CACNA1A: variants seen among roughly 807,000 people sequenced by gnomAD.
CACNA1A encodes voltage-dependent P/Q-type calcium channel subunit alpha-1A.
Under a neutral mutation model 262.4 loss-of-function variants are expected in CACNA1A, and 57 were observed. The observed-to-expected ratio is 0.22, with a 90% CI of 0.18 to 0.27. The LOEUF (loss-of-function observed/expected upper bound fraction) is 0.27, where lower values mean the gene tolerates loss of function less well. CACNA1A is among the 10% of genes least tolerant of loss of function. The pLI is 1.00. For missense variants in CACNA1A, 2,526 were observed against 3,562.8 expected, an observed-to-expected ratio of 0.71 and a Z score of 7.41; for synonymous variants, 1,431 against 1,419.3, an observed-to-expected ratio of 1.01 and a Z score of -0.18.
Position 13,258,794 on chromosome 19 carries a change from G to A in CACNA1A, c.4388+770C>T, listed in dbSNP as rs187273609. ...AGAGAAAGACCATTACTTGGACGAGGTGAGGGAGGGAGGCATTTGTTTTGG... is the reference window on the plus strand; with the variant it reads ...AGAGAAAGACCATTACTTGGACGAGATGAGGGAGGGAGGCATTTGTTTTGG... On this transcript the variant is annotated intron_variant, in intron 27 of 46. Transcript: ENST00000360228. The A allele has an allele frequency of 1.6e-3, 248 of 152,244 alleles. 1 individual carries two copies. The highest frequency in any genetic ancestry group is 2.9e-4 in the Non-Finnish European group (20 of 68,018). The allele number at this position is 152,244 out of a possible 1,614,324, so 9.4% of individuals were successfully genotyped here. A position where few individuals can be genotyped will look rare whatever the true frequency, so the allele number is the denominator to read the frequency against.
chr19:13,437,229 C>G (rs1242856152), intron 3 of CACNA1A, among the ~76,000 whole-genome samples: 1 of 152,198 alleles, frequency 6.6e-6, no homozygotes, highest in African/African-American at 2.4e-5. Context: ...GTGTCCAAAT[C>G]CTGGCTCTAG....
intron 3 of CACNA1A, among the ~76,000 whole-genome samples, chr19:13,401,475 G>T (rs972163197): frequency 6.6e-6 from 1 of 152,156 alleles, no homozygotes; most frequent in Non-Finnish European, 1.5e-5. Context: ...TGAATCCCTG[G>T]TGCAAACATG....
Position 13,299,241 on chromosome 19 carries a change from C to A in CACNA1A, c.2392G>T (p.Asp798Tyr). The A allele has an allele frequency of 6.2e-7, 1 of 1,609,398 alleles. No homozygotes were observed. The highest frequency in any genetic ancestry group is 8.5e-7 in the Non-Finnish European group (1 of 1,179,846). ...GCAGCCTTCCAGCGCTCGTCCGGGT[C>A]CATTTCGTTATACAGGGCCTCCCGG... ...ASREALYNEM[D>Y]PDERWKAAYT... is the part of the protein sequence containing the mutation. The change falls in exon 19 of 47, where the codon GAC becomes TAC. Residue 798 changes from aspartate to tyrosine, a missense_variant. By Grantham distance (160) the Asp-to-Tyr change is radical (BLOSUM62 -3). Around this residue, in one of 17 missense-constraint regions of CACNA1A, gnomAD observed 765 missense variants for 748.6 expected, o/e 1.02. Transcript: ENST00000360228.
At position 13,212,309 on chromosome 19, in the gene CACNA1A, GT is replaced by G. The variant is rs544191737; in HGVS notation, c.6189+74del. 547 of 1,568,910 alleles carry G rather than the reference GT, an allele frequency of 3.5e-4. No individual in the cohort carries two copies. Among genetic ancestry groups the G allele is most frequent in the Admixed American group, 8.9e-4 (52 of 58,478 alleles). On this transcript the variant is annotated intron_variant, in intron 42 of 46. Coordinates refer to ENST00000360228, the MANE Select transcript of CACNA1A (RefSeq NM_001127222.2). This position sits in a 1 kb window ranked among gnomAD's most constrained non-coding sequence, Gnocchi z 5.6. ...GGGAGGGAGCTGCAGGTGTGTGTGTGTGGGGGGCCCAGATCCCTTCCACCTG... is the reference window on the plus strand; with the variant it reads ...GGGAGGGAGCTGCAGGTGTGTGTGTGGGGGGGCCCAGATCCCTTCCACCTG...
At position 13,308,507 on chromosome 19, in the gene CACNA1A, C is replaced by T. The variant is rs1057519099; in HGVS notation, c.1690G>A (p.Glu564Lys). ...DCGVIIGSIFEVIWAVIKPGT... is the reference protein window; with the variant it reads ...DCGVIIGSIFKVIWAVIKPGT... Reference sequence around the variant, plus strand: ...GGTTTTATGACAGCCCAGATGACCTCGAAGATGCTCCCAATGATAACCTAG... The same window carrying T: ...GGTTTTATGACAGCCCAGATGACCTTGAAGATGCTCCCAATGATAACCTAG... Residue 564 changes from glutamate to lysine, a missense_variant, in exon 13 of 47, where the codon GAG becomes AAG. By Grantham distance (56) the Glu-to-Lys change is moderately conservative. This residue lies in a region of CACNA1A where 102 missense variants were observed against 278.9 expected (regional missense o/e 0.37). Coordinates refer to ENST00000360228, the MANE Select transcript of CACNA1A (RefSeq NM_001127222.2). This position sits in a 1 kb window ranked among gnomAD's most constrained non-coding sequence, Gnocchi z 4.2. 1 of 1,611,960 alleles carries T rather than the reference C, an allele frequency of 6.2e-7. No homozygotes were observed. Among genetic ancestry groups the T allele is most frequent in the Non-Finnish European group, 8.5e-7 (1 of 1,178,594 alleles).
intron 3 of CACNA1A, among the ~76,000 whole-genome samples, chr19:13,379,049 C>T (rs10401949): frequency 0.52 from 78,545 of 150,072 alleles, 20,848 homozygotes; most frequent in Middle Eastern, 0.65. Context: ...GGTGTGATCA[C>T]AGCTCACTGC....
chr19:13,278,398 T>G (rs970434790), intron 22 of CACNA1A, among the ~76,000 whole-genome samples: 10 of 152,214 alleles, frequency 6.6e-5, no homozygotes, highest in African/African-American at 2.4e-4. Flanking sequence ...CTCTCTGGAA[T>G]GCTTTCCCCC....
chr19:13,255,938 CCCT>C (rs1010180282), intron 28 of CACNA1A, among the ~76,000 whole-genome samples: 10 of 145,788 alleles, frequency 6.9e-5, no homozygotes, highest in Non-Finnish European at 1.5e-4. Flanking sequence ...TTCCTTCCCT[CCCT>C]CCTTTCTTTC....
At chr19:13,257,921 GT>G (rs889334438) in intron 27 of CACNA1A, 1 of 164,214 alleles carries the variant, frequency 6.1e-6, no homozygotes, top group African/African-American at 2.4e-5. Context: ...TGTATTTTTA[GT>G]AGAGACGGGG....
At chr19:13,446,169 G>A (rs1489062840) in intron 3 of CACNA1A, among the ~76,000 whole-genome samples, 1 of 150,988 alleles carries the variant, frequency 6.6e-6, no homozygotes, top group Non-Finnish European at 1.5e-5. Context: ...CAGCTACTCA[G>A]GAGGCTGAGG....
intron 43 of CACNA1A, chr19:13,211,604 T>G (rs920335824): frequency 1.2e-5 from 2 of 163,210 alleles, no homozygotes; most frequent in Non-Finnish European, 2.7e-5. Flanking sequence ...CGTACATGTG[T>G]GCATGTGTGA....
intron 30 of CACNA1A, among the ~76,000 whole-genome samples, chr19:13,250,251 G>A (rs1351888473): frequency 1.3e-5 from 2 of 151,612 alleles, no homozygotes; most frequent in Non-Finnish European, 2.9e-5. Flanking sequence ...GTAGAGACGG[G>A]GTTTCACCAT....
intron 10 of CACNA1A, among the ~76,000 whole-genome samples, chr19:13,318,411 C>A (rs1168148849): frequency 6.6e-6 from 1 of 152,108 alleles, no homozygotes; most frequent in East Asian, 1.9e-4. Context: ...GCAGATCATG[C>A]ATGGCCTGGT....
rs1218621030 is a variant in CACNA1A, at chr19:13,385,219, ATTCT to A, written c.540-13444_540-13441del. Among the ~76,000 whole-genome samples the A allele has an allele frequency of 3.1e-4, 44 of 142,664 alleles. 1 individual carries two copies. The highest frequency in any genetic ancestry group is 3.0e-4 in the Non-Finnish European group (20 of 65,830). The allele number at this position is 142,664 out of a possible 152,430, so 93.6% of individuals were successfully genotyped here. A position where few individuals can be genotyped will look rare whatever the true frequency, so the allele number is the denominator to read the frequency against. ...CATCCCCGTAGGGCAGATATTTTCT[ATTCT>A]TTCTTTCTTTTTTTTTTTTTTTTTG... On this transcript the variant is annotated intron_variant, in intron 3 of 46. Coordinates refer to ENST00000360228, the MANE Select transcript of CACNA1A (RefSeq NM_001127222.2).
At position 13,222,479 on chromosome 19, in the gene CACNA1A, T is replaced by TCTGCCTCTCGGGTTCAAGCAATTCTC. The variant is rs1214523885; in HGVS notation, c.5731+2162_5731+2187dup. Among the ~76,000 whole-genome samples, 10 of 141,628 alleles carry TCTGCCTCTCGGGTTCAAGCAATTCTC rather than the reference T, an allele frequency of 7.1e-5. No homozygotes were observed. The East Asian group carries it at 2.2e-3, about 32-fold the overall frequency. The allele number at this position is 141,628 out of a possible 152,430, so 92.9% of individuals were successfully genotyped here. A position where few individuals can be genotyped will look rare whatever the true frequency, so the allele number is the denominator to read the frequency against. ...GGCACAAGCTCGGCTCGCTGCAACC[T>TCTGCCTCTCGGGTTCAAGCAATTCTC]CTGCCTCTCGGGTTCAAGCAATTCT... On this transcript the variant is annotated intron_variant, in intron 38 of 46. Coordinates refer to ENST00000360228, the MANE Select transcript of CACNA1A (RefSeq NM_001127222.2).
intron 6 of CACNA1A, among the ~76,000 whole-genome samples, chr19:13,352,155 A>C (rs993464): frequency 0.17 from 26,257 of 152,040 alleles, 3,466 homozygotes; most frequent in African/African-American, 0.36. Context: ...AATTGGCTCA[A>C]GCCAATTTGG....
At chr19:13,272,464 T>G (rs2144817397) in intron 24 of CACNA1A, 1 of 152,420 alleles carries the variant, frequency 6.6e-6, no homozygotes, top group South Asian at 2.1e-4. Context: ...CTCATCAGAA[T>G]GCAGGGTAGG....
intron 3 of CACNA1A, among the ~76,000 whole-genome samples, chr19:13,443,962 C>A (rs2060767550): frequency 6.6e-6 from 1 of 152,082 alleles, no homozygotes; most frequent in African/African-American, 2.4e-5. Context: ...TAGTCCCTGG[C>A]ACATAGTAAG....
At chr19:13,453,762 TAC>T (rs1458789515) in intron 2 of CACNA1A, among the ~76,000 whole-genome samples, 1 of 152,230 alleles carries the variant, frequency 6.6e-6, no homozygotes, top group Non-Finnish European at 1.5e-5. Flanking sequence ...TCCCATCTGT[TAC>T]AGCAACGTTT....
Sources: gnomAD v4.1 joint callset for allele counts (sites outside exome capture counted in the v4.1 genomes callset) on GRCh38, gnomAD v4.1.1 for gene constraint, gnomAD v4.1.1 regional missense constraint, Gnocchi (gnomAD v3.1) non-coding constraint, MANE v1.5 for transcripts, NCBI Gene and HGNC (gene_info 2026-07-23, HGNC 2026-07-21) for gene names.